The following CDKAL1 variants were observed in gnomAD, a reference collection of about 807,000 sequenced individuals.
CDKAL1 encodes the protein threonylcarbamoyladenosine tRNA methylthiotransferase.
CDKAL1 carries 32 observed loss-of-function variants against 68.2 expected under a neutral mutation model. The ratio of observed to expected loss-of-function variants is 0.47; its 90% CI spans 0.35 to 0.63. The LOEUF is 0.63. Among genes scored for constraint, CDKAL1 ranks in the 30% least tolerant of loss-of-function variants. CDKAL1 has a pLI of 0.00. For missense variants in CDKAL1, 606 were observed against 696.7 expected, an observed-to-expected ratio of 0.87 and a Z score of 1.47; for synonymous variants, 234 against 244.3, an observed-to-expected ratio of 0.96 and a Z score of 0.39.
At chr6:21,044,466 TCTTA>T (rs1770109925) in intron 11 of CDKAL1, among the ~76,000 whole-genome samples, 3 of 152,334 alleles carry the variant, frequency 2.0e-5, no homozygotes, top group African/African-American at 7.2e-5. Flanking sequence ...TACACTTGCT[TCTTA>T]CATTGGTGGT....
chr6:20,747,040 C>A (rs1773693164), intron 6 of CDKAL1, among the ~76,000 whole-genome samples: 1 of 152,076 alleles, frequency 6.6e-6, no homozygotes, highest in Non-Finnish European at 1.5e-5. Context: ...CCCTGTTTCT[C>A]TGTATTTGAC....
chr6:20,680,222 A>C (rs1178060051), intron 5 of CDKAL1, among the ~76,000 whole-genome samples: 1 of 152,046 alleles, frequency 6.6e-6, no homozygotes, highest in Non-Finnish European at 1.5e-5. Context: ...GCCCACCACC[A>C]TGCCTGGCTA....
chr6:21,122,811 T>G (rs1209240840), intron 13 of CDKAL1, among the ~76,000 whole-genome samples: 1 of 149,352 alleles, frequency 6.7e-6, no homozygotes, highest in African/African-American at 2.5e-5. Flanking sequence ...AGGTTTTTTT[T>G]TTTTTTTTTT....
chr6:20,756,915 CCT>C (rs1561750759), intron 6 of CDKAL1: 2 of 104,260 alleles, frequency 1.9e-5, no homozygotes, highest in Non-Finnish European at 4.0e-5. Context: ...TTCCTTCCTT[CCT>C]TCCTTCCCTC....
chr6:20,975,834 A>G (rs2150763337), intron 10 of CDKAL1, among the ~76,000 whole-genome samples: 1 of 152,338 alleles, frequency 6.6e-6, no homozygotes, highest in South Asian at 2.1e-4. Flanking sequence ...CTAAAGGGCC[A>G]GGATTCTTGG....
chr6:20,805,752 C>G (rs4293992), intron 8 of CDKAL1, among the ~76,000 whole-genome samples: 79,936 of 152,078 alleles, frequency 0.53, 21,335 homozygotes, highest in Non-Finnish European at 0.55. Context: ...GAGACTATAA[C>G]CACTGTAAGT....
intron 5 of CDKAL1, among the ~76,000 whole-genome samples, chr6:20,729,075 A>T (rs1039464605): frequency 2.0e-5 from 3 of 152,212 alleles, no homozygotes; most frequent in African/African-American, 7.2e-5. Flanking sequence ...ATCACTTATC[A>T]GGGATATTGT....
At chr6:20,992,029 TTC>T (rs1335427282) in intron 10 of CDKAL1, among the ~76,000 whole-genome samples, 30 of 81,364 alleles carry the variant, frequency 3.7e-4, no homozygotes, top group African/African-American at 1.0e-3. Context: ...TTTTTTTCTT[TTC>T]TTTTTTTTTT....
intron 10 of CDKAL1, among the ~76,000 whole-genome samples, chr6:20,970,654 C>T (rs535473684): frequency 6.6e-6 from 1 of 152,256 alleles, no homozygotes; most frequent in Admixed American, 6.5e-5. Context: ...AGGAAGAACT[C>T]ATGTCATTAG....
chr6:20,802,197 C>G (rs1409864897), intron 8 of CDKAL1, among the ~76,000 whole-genome samples: 3 of 151,836 alleles, frequency 2.0e-5, no homozygotes, highest in Non-Finnish European at 4.4e-5. Flanking sequence ...ACTCGGGAGG[C>G]TGAGGCAGGA....
At chr6:20,830,909 T>C (rs1777689029) in intron 8 of CDKAL1, among the ~76,000 whole-genome samples, 1 of 141,802 alleles carries the variant, frequency 7.1e-6, no homozygotes, top group African/African-American at 2.7e-5. Flanking sequence ...ACTAGACAAA[T>C]ATATGTTTTT....
At chr6:20,862,840 A>G (rs1759717638) in intron 9 of CDKAL1, among the ~76,000 whole-genome samples, 1 of 152,154 alleles carries the variant, frequency 6.6e-6, no homozygotes. Flanking sequence ...CAGCCTGACC[A>G]ACATGGAGAA....
chr6:20,882,342 C>T (rs1337957758), intron 9 of CDKAL1, among the ~76,000 whole-genome samples: 2 of 152,170 alleles, frequency 1.3e-5, no homozygotes, highest in African/African-American at 2.4e-5. Flanking sequence ...TTTTCACAAC[C>T]TCCCACTCTT....
intron 8 of CDKAL1, among the ~76,000 whole-genome samples, chr6:20,813,597 G>A (rs541971748): frequency 6.6e-6 from 1 of 152,274 alleles, no homozygotes; most frequent in African/African-American, 2.4e-5. Flanking sequence ...ATTTAGGTCT[G>A]TTATTTGGTT....
At chr6:21,051,061 G>A (rs143835900) in intron 11 of CDKAL1, among the ~76,000 whole-genome samples, 35 of 152,156 alleles carry the variant, frequency 2.3e-4, no homozygotes, top group African/African-American at 7.7e-4. Context: ...CTAGTTTATT[G>A]CTTTATTCTC....
intron 9 of CDKAL1, among the ~76,000 whole-genome samples, chr6:20,860,933 A>ATT (rs70990075): frequency 0.17 from 22,730 of 133,986 alleles, 2,034 homozygotes; most frequent in East Asian, 0.31. Flanking sequence ...AGTGTGGTCT[A>ATT]TTTTTTTTTT....
At chr6:20,932,858 A>G (rs1489947763) in intron 9 of CDKAL1, among the ~76,000 whole-genome samples, 1 of 152,168 alleles carries the variant, frequency 6.6e-6, no homozygotes, top group African/African-American at 2.4e-5. Flanking sequence ...AGCAAACAAT[A>G]TTAGCTTTTA....
At chr6:21,108,530 C>A in intron 13 of CDKAL1, 67 bp downstream of exon 13, 1 of 1,006,378 alleles carries the variant, frequency 9.9e-7, no homozygotes, top group Non-Finnish European at 1.5e-6. Context: ...ACAATTTTCA[C>A]CAACATATGG....
rs149356981 is a variant in CDKAL1 at position 21,044,368 on chromosome 6, T to C, written c.1056-20680T>C. 2.3e-3 allele frequency among the ~76,000 whole-genome samples: 357 copies of C among 152,288 alleles called. 3 individuals carry two copies. The highest frequency in any genetic ancestry group is 2.3e-3 in the Non-Finnish European group (159 of 68,026). On this transcript the variant is annotated intron_variant, in intron 11 of 15. Transcript: ENST00000274695. ...AGTATTCAGTTATCATTGATGGGAT[T>C]GAATCAAATTGTCTTTAACTCAAGC... is the stretch of plus-strand genomic sequence containing the variant.
Sources: gnomAD v4.1 joint callset for allele counts (sites outside exome capture counted in the v4.1 genomes callset) on GRCh38, gnomAD v4.1.1 for gene constraint, MANE v1.5 for transcripts, NCBI Gene and HGNC (gene_info 2026-07-23, HGNC 2026-07-21) for gene names.